The following ARHGAP6 variants were observed in gnomAD, a reference collection of about 807,000 sequenced individuals.
ARHGAP6 encodes the protein rho GTPase-activating protein 6.
In ARHGAP6, 16 loss-of-function variants were observed where a neutral mutation model predicts 55.7. That is an observed-to-expected ratio of 0.29 (90% CI 0.19 to 0.44). The LOEUF is 0.44. Among genes scored for constraint, ARHGAP6 ranks in the 20% least tolerant of loss-of-function variants. ARHGAP6 has a pLI of 1.00. For synonymous variants in ARHGAP6, 382 were observed against 360.9 expected, an observed-to-expected ratio of 1.06 and a Z score of -0.66; for missense variants, 698 against 808.9, an observed-to-expected ratio of 0.86 and a Z score of 1.66.
chrX:11,518,241 C>T (rs2050866440), intron 1 of ARHGAP6, among the ~76,000 whole-genome samples: 1 of 110,001 alleles, frequency 9.1e-6, no homozygotes, highest in African/African-American at 3.3e-5. Flanking sequence ...CCTGGGATCA[C>T]ATGATCTTCC....
intron 1 of ARHGAP6, among the ~76,000 whole-genome samples, chrX:11,328,844 A>C (rs2048529014): frequency 8.9e-6 from 1 of 112,287 alleles, no homozygotes; most frequent in Admixed American, 9.5e-5. Flanking sequence ...CTTGATGTAC[A>C]AAAATTCTAA....
intron 1 of ARHGAP6, among the ~76,000 whole-genome samples, chrX:11,581,771 G>A (rs1461760441): frequency 1.8e-5 from 2 of 111,029 alleles, no homozygotes; most frequent in Admixed American, 9.6e-5. Flanking sequence ...CTAGATGGAC[G>A]GGGGAAGGGG....
chrX:11,495,749 C>T (rs913591316), intron 1 of ARHGAP6, among the ~76,000 whole-genome samples: 1 of 112,327 alleles, frequency 8.9e-6, no homozygotes, highest in African/African-American at 3.2e-5. Flanking sequence ...GGCAAAGGTG[C>T]TGTAACAAAT....
chrX:11,410,187 C>T (rs1290854563), intron 1 of ARHGAP6, among the ~76,000 whole-genome samples: 3 of 112,184 alleles, frequency 2.7e-5, no homozygotes, highest in Non-Finnish European at 5.6e-5. Flanking sequence ...TCCATAGCAG[C>T]ATTATTCATA....
chrX:11,379,156 C>T (rs1245864063), intron 1 of ARHGAP6, among the ~76,000 whole-genome samples: 2 of 112,050 alleles, frequency 1.8e-5, no homozygotes, highest in South Asian at 3.8e-4. Context: ...TCCAGCAATC[C>T]GGCTCAGACA....
At chrX:11,480,548 C>G (rs2050445992) in intron 1 of ARHGAP6, among the ~76,000 whole-genome samples, 1 of 111,759 alleles carries the variant, frequency 8.9e-6, no homozygotes, top group African/African-American at 3.3e-5. Context: ...GGTTGTACAC[C>G]TCTGTAAATA....
At chrX:11,352,298 T>C (rs762666053) in intron 1 of ARHGAP6, among the ~76,000 whole-genome samples, 2 of 111,962 alleles carry the variant, frequency 1.8e-5, no homozygotes, top group African/African-American at 3.2e-5. Flanking sequence ...TAGTAGCAGA[T>C]TGTAATCTGC....
intron 1 of ARHGAP6, among the ~76,000 whole-genome samples, chrX:11,630,367 G>A (rs746846886): frequency 1.8e-5 from 2 of 112,028 alleles, no homozygotes; most frequent in South Asian, 7.5e-4. Context: ...CAAGTCAAAT[G>A]ATTTCCAAAA....
At position 11,525,013 on chromosome X, in the gene ARHGAP6, A is replaced by G. The variant is rs768902799; in HGVS notation, c.588+139228T>C. On this transcript the variant is annotated intron_variant, in intron 1 of 12. Coordinates refer to ENST00000337414, the MANE Select transcript of ARHGAP6 (RefSeq NM_013427.3). ...GCTGATTTGATGGGAGGCAGAGCTCAAGCGGTAATACAAGTGATGGGGAGC... is the reference window on the plus strand; with the variant it reads ...GCTGATTTGATGGGAGGCAGAGCTCGAGCGGTAATACAAGTGATGGGGAGC... Among the ~76,000 whole-genome samples, 6 of 111,366 alleles carry G rather than the reference A, an allele frequency of 5.4e-5. No homozygotes were observed. The East Asian group carries it at 1.7e-3, about 31-fold the overall frequency.
intron 1 of ARHGAP6, among the ~76,000 whole-genome samples, chrX:11,308,366 T>TA (rs377088908): frequency 2.5e-4 from 28 of 111,316 alleles, no homozygotes; most frequent in African/African-American, 7.8e-4. Flanking sequence ...CTGGAATCAT[T>TA]AAAAAAAATA....
intron 1 of ARHGAP6, among the ~76,000 whole-genome samples, chrX:11,608,447 C>T (rs1026410948): frequency 2.7e-5 from 3 of 111,348 alleles, no homozygotes; most frequent in Admixed American, 9.5e-5. Flanking sequence ...TTATCATCAT[C>T]GCCACCATCA....
At chrX:11,276,180 A>G (rs1456900445) in intron 1 of ARHGAP6, among the ~76,000 whole-genome samples, 1 of 111,072 alleles carries the variant, frequency 9.0e-6, no homozygotes, top group Non-Finnish European at 1.9e-5. Flanking sequence ...AACGTCACCG[A>G]TACGTCCCTC....
intron 1 of ARHGAP6, among the ~76,000 whole-genome samples, chrX:11,417,213 G>A (rs190666859): frequency 2.7e-4 from 28 of 104,111 alleles, no homozygotes; most frequent in African/African-American, 7.4e-4. Context: ...GATGCTTTGG[G>A]TGTAAATAAT....
chrX:11,282,485 C>G (rs1301126934), intron 1 of ARHGAP6, among the ~76,000 whole-genome samples: 1 of 112,110 alleles, frequency 8.9e-6, no homozygotes, highest in Non-Finnish European at 1.9e-5. Context: ...CCACCAATGA[C>G]ATTGAATGGA....
intron 1 of ARHGAP6, among the ~76,000 whole-genome samples, chrX:11,571,031 A>G (rs1460246645): frequency 9.0e-6 from 1 of 111,539 alleles, no homozygotes; most frequent in Non-Finnish European, 1.9e-5. Flanking sequence ...GGATGCAGAC[A>G]GCATCATTTT....
chrX:11,491,615 G>A (rs1437930612), intron 1 of ARHGAP6, among the ~76,000 whole-genome samples: 2 of 111,937 alleles, frequency 1.8e-5, no homozygotes, highest in African/African-American at 3.3e-5. Context: ...GTCTATCATT[G>A]TTGGACATTT....
intron 1 of ARHGAP6, among the ~76,000 whole-genome samples, chrX:11,537,744 C>T (rs1205743992): frequency 9.0e-6 from 1 of 111,593 alleles, no homozygotes; most frequent in East Asian, 2.8e-4. Context: ...TTATCTATTG[C>T]TATTTATTGA....
intron 1 of ARHGAP6, among the ~76,000 whole-genome samples, chrX:11,477,025 G>T (rs2050409367): frequency 9.1e-6 from 1 of 109,943 alleles, no homozygotes; most frequent in South Asian, 3.9e-4. Flanking sequence ...ATTAAAAAAT[G>T]AAAAGGCAAG....
intron 1 of ARHGAP6, among the ~76,000 whole-genome samples, chrX:11,520,129 T>TTTTATATATATATATATATATA (rs2050898418): frequency 5.8e-5 from 2 of 34,681 alleles, no homozygotes; most frequent in Non-Finnish European, 1.1e-4. Context: ...AGAGAATTGA[T>TTTTATATATATATATATATATA]TTTATATATA....
Sources: gnomAD v4.1 joint callset for allele counts (sites outside exome capture counted in the v4.1 genomes callset) on GRCh38, gnomAD v4.1.1 for gene constraint, MANE v1.5 for transcripts, NCBI Gene and HGNC (gene_info 2026-07-23, HGNC 2026-07-21) for gene names.